The following PSKH1 variants were observed in gnomAD, a reference collection of about 807,000 sequenced individuals.
PSKH1 encodes the protein protein serine kinase H1, also known as serine/threonine-protein kinase H1.
Under a neutral mutation model 26.7 loss-of-function variants are expected in PSKH1, and 12 were observed. That is an observed-to-expected ratio of 0.45 (90% CI 0.29 to 0.73). PSKH1 has a LOEUF of 0.73. PSKH1 is among the 30% of genes least tolerant of loss of function. The probability of loss-of-function intolerance (pLI) is 0.11; values close to 1 mark genes in which losing one functional copy is unlikely to be tolerated. For missense variants in PSKH1, 431 were observed against 595.2 expected (o/e 0.72, Z 2.87); for synonymous variants, 213 against 234.3 (o/e 0.91, Z 0.83).
chr16:67,899,270 A>G (rs1006338199), intron 1 of PSKH1, among the ~76,000 whole-genome samples: 4 of 152,084 alleles, frequency 2.6e-5, no homozygotes, highest in Non-Finnish European at 4.4e-5. Flanking sequence ...TGCCTCTTCA[A>G]CATTTCTAAG....
At chr16:67,908,094 G>GCGTGTT (rs1825857203) in intron 1 of PSKH1, among the ~76,000 whole-genome samples, 1 of 152,190 alleles carries the variant, frequency 6.6e-6, no homozygotes, top group Admixed American at 6.5e-5. Flanking sequence ...CTGAGGCTAT[G>GCGTGTT]CGTGTTCCTG....
chr16:67,904,711 C>T (rs2058151291), intron 1 of PSKH1, among the ~76,000 whole-genome samples: 1 of 152,034 alleles, frequency 6.6e-6, no homozygotes, highest in Non-Finnish European at 1.5e-5. Context: ...CAAACTCCTG[C>T]ACTCAAGCTA....
At chr16:67,912,320 G>A (rs528502555) in intron 2 of PSKH1, among the ~76,000 whole-genome samples, 1 of 152,314 alleles carries the variant, frequency 6.6e-6, no homozygotes, top group South Asian at 2.1e-4. Flanking sequence ...TTGACTCAAG[G>A]CTCAGATAAA....
intron 2 of PSKH1, among the ~76,000 whole-genome samples, chr16:67,926,172 A>C (rs1333397096): frequency 1.3e-5 from 2 of 152,098 alleles, no homozygotes; most frequent in Non-Finnish European, 2.9e-5. Flanking sequence ...CTAGCTGCCT[A>C]TCCTTGGGGG....
chr16:67,923,773 A>C lies in PSKH1; in HGVS notation c.958-3552A>C, dbSNP rs568390285. ...CGAGTTCAGTTCTTCACCTAGAACAAACAGAGTTGTGGAGACTGAAGAGCA... is the reference window on the plus strand; with the variant it reads ...CGAGTTCAGTTCTTCACCTAGAACACACAGAGTTGTGGAGACTGAAGAGCA... On this transcript the variant is annotated intron_variant, in intron 2 of 2. Coordinates refer to ENST00000291041, the MANE Select transcript of PSKH1 (RefSeq NM_006742.3). Among the ~76,000 whole-genome samples, 3 of 152,336 alleles carry C rather than the reference A, an allele frequency of 2.0e-5. No individual in the cohort carries two copies. In the East Asian group the frequency reaches 5.8e-4, roughly 29 times the overall value.
At chr16:67,925,544 G>A (rs1022822176) in intron 2 of PSKH1, among the ~76,000 whole-genome samples, 2 of 152,094 alleles carry the variant, frequency 1.3e-5, no homozygotes, top group African/African-American at 2.4e-5. Flanking sequence ...CCTGCCTGTC[G>A]GGGAGGGCTG....
chr16:67,893,514 G>A (rs1308719108), intron 1 of PSKH1, 143 bp downstream of exon 1: 1 of 152,444 alleles, frequency 6.6e-6, no homozygotes, highest in Admixed American at 6.5e-5. Flanking sequence ...GGGCCTACAG[G>A]GTTGGAGAGC....
At chr16:67,896,371 A>G (rs2058126464) in intron 1 of PSKH1, among the ~76,000 whole-genome samples, 1 of 151,948 alleles carries the variant, frequency 6.6e-6, no homozygotes, top group African/African-American at 2.4e-5. Flanking sequence ...GGACTCCCAA[A>G]GTGCTGGGAT....
intron 1 of PSKH1, among the ~76,000 whole-genome samples, chr16:67,901,833 C>T (rs183260092): frequency 2.0e-5 from 3 of 151,912 alleles, no homozygotes; most frequent in East Asian, 1.9e-4. Flanking sequence ...CACTACATTG[C>T]CCTGGCTGGT....
rs955967889 is a variant in PSKH1 at position 67,898,139 on chromosome 16, C to T, written c.-71+4768C>T. ...TGCTGGGATTACAGGCGTAAGCCACCGCGCCCAGCCACACCCAGCTAATTT... is the reference window on the plus strand; with the variant it reads ...TGCTGGGATTACAGGCGTAAGCCACTGCGCCCAGCCACACCCAGCTAATTT... On this transcript the variant is annotated intron_variant, in intron 1 of 2. Transcript: ENST00000291041. Among the ~76,000 whole-genome samples, 8 of 152,242 alleles carry T rather than the reference C, an allele frequency of 5.3e-5. No individual in the cohort carries two copies. The South Asian group carries it at 6.2e-4, about 12-fold the overall frequency.
intron 1 of PSKH1, among the ~76,000 whole-genome samples, chr16:67,901,439 C>G (rs1215028342): frequency 6.6e-6 from 1 of 152,144 alleles, no homozygotes; most frequent in Non-Finnish European, 1.5e-5. Context: ...TCAAGCAATT[C>G]TCCTGCCTCA....
In PSKH1 at chr16:67,908,909, G is replaced by A. The variant is rs780398848; in HGVS notation, c.160G>A (p.Ala54Thr). ...SVGPVKAGFP[A>T]ASQYAHPCPG... ...TGGCCCTGTCAAAGCCGGGTTCCCA[G>A]CAGCAAGTCAGTATGCACACCCCTG... Residue 54 changes from alanine (A) to threonine (T), a missense_variant, in exon 2 of 3, where the codon GCA becomes ACA. Physicochemically the swap from Ala to Thr is moderately conservative, Grantham distance 58 (BLOSUM62 0). Transcript: ENST00000291041. 1.2e-6 allele frequency: 2 copies of A among 1,614,148 alleles called. No individual in the cohort carries two copies. The highest frequency in any genetic ancestry group is 2.2e-5 in the South Asian group (2 of 91,086).
In PSKH1 at chr16:67,927,808, A is replaced by G; in HGVS notation, c.*166A>G. The G allele has an allele frequency of 1.2e-6, 1 of 834,546 alleles. No individual in the cohort carries two copies. Among genetic ancestry groups the G allele is most frequent in the Non-Finnish European group, 1.8e-6 (1 of 550,426 alleles). 51.7% of individuals were successfully genotyped at this position (834,546 alleles called of 1,614,324 possible). A position where few individuals can be genotyped will look rare whatever the true frequency, so the allele number is the denominator to read the frequency against. On this transcript the variant is annotated 3_prime_UTR_variant, in exon 3 of 3. Coordinates refer to ENST00000291041, the MANE Select transcript of PSKH1 (RefSeq NM_006742.3). This position sits in a 1 kb window ranked among gnomAD's most constrained non-coding sequence, Gnocchi z 5.5. ...GCCTTCAGCAGCCCCTGTCCTCACC[A>G]TGGGCCTGGGCCAGGTGTGACAGAG...
Position 67,909,662 on chromosome 16 carries a change from C to A in PSKH1, c.913C>A (p.Leu305Met). ...GTTTGAGGATGACAACCGTACCCGGCTGTACCGGCAGATCCTCAGGGGCAA... is the reference window on the plus strand; with the variant it reads ...GTTTGAGGATGACAACCGTACCCGGATGTACCGGCAGATCCTCAGGGGCAA... ...MPFEDDNRTR[L>M]YRQILRGKYS... The change falls in exon 2 of 3, where the codon CTG becomes ATG. Residue 305 changes from leucine to methionine, a missense_variant. Physicochemically the swap from Leu to Met is conservative, Grantham distance 15. Coordinates refer to ENST00000291041, the MANE Select transcript of PSKH1 (RefSeq NM_006742.3). This position sits in a 1 kb window ranked among gnomAD's most constrained non-coding sequence, Gnocchi z 7.8. 3.1e-6 allele frequency: 5 copies of A among 1,613,550 alleles called. No individual in the cohort carries two copies. Among genetic ancestry groups the A allele is most frequent in the Non-Finnish European group, 4.2e-6 (5 of 1,180,024 alleles).
At chr16:67,915,655 C>T (rs1188146657) in intron 2 of PSKH1, among the ~76,000 whole-genome samples, 1 of 152,128 alleles carries the variant, frequency 6.6e-6, no homozygotes, top group Non-Finnish European at 1.5e-5. Context: ...GAGGTGAGGA[C>T]AGACATCGCT....
intron 1 of PSKH1, among the ~76,000 whole-genome samples, chr16:67,893,874 C>T (rs1248041521): frequency 6.6e-6 from 1 of 152,182 alleles, no homozygotes; most frequent in East Asian, 1.9e-4. Flanking sequence ...CCTCTACCTG[C>T]AAGGGGAAGC....
intron 2 of PSKH1, among the ~76,000 whole-genome samples, chr16:67,926,430 C>T (rs1475357646): frequency 6.6e-6 from 1 of 152,248 alleles, no homozygotes; most frequent in African/African-American, 2.4e-5. Context: ...TCTCACGTTA[C>T]AGCTGGAATA....
intron 2 of PSKH1, among the ~76,000 whole-genome samples, chr16:67,926,642 TA>T (rs1334333892): frequency 1.3e-5 from 2 of 152,080 alleles, no homozygotes; most frequent in African/African-American, 4.8e-5. Context: ...GGACAGAATG[TA>T]CTAAAATGAG....
At chr16:67,914,029 A>G (rs961690383) in intron 2 of PSKH1, among the ~76,000 whole-genome samples, 8 of 152,208 alleles carry the variant, frequency 5.3e-5, no homozygotes, top group South Asian at 2.1e-4. Context: ...CCTGGGGGCA[A>G]TGGCCTGAGG....
Sources: allele counts gnomAD v4.1 joint callset (sites outside exome capture counted in the v4.1 genomes callset), GRCh38; gene constraint gnomAD v4.1.1; non-coding constraint Gnocchi (gnomAD v3.1); transcripts MANE v1.5; gene names NCBI Gene and HGNC (gene_info 2026-07-23, HGNC 2026-07-21).